ZC3H12B: variants seen among roughly 807,000 people sequenced by gnomAD.
ZC3H12B encodes probable ribonuclease ZC3H12B.
Under a neutral mutation model 43.9 loss-of-function variants are expected in ZC3H12B, and 7 were observed. That is an observed-to-expected ratio of 0.16 (90% CI 0.09 to 0.30). ZC3H12B has a LOEUF of 0.30. Among genes scored for constraint, ZC3H12B ranks in the 10% least tolerant of loss-of-function variants. The pLI is 1.00. For synonymous variants in ZC3H12B, 222 were observed against 241.7 expected (o/e 0.92, Z 0.76); for missense variants, 475 against 670.2 (o/e 0.71, Z 3.22).
At chrX:65,182,053 C>G in the ZC3H12B span, among the ~76,000 whole-genome samples, 1 of 111,839 alleles carries the variant, frequency 8.9e-6, no homozygotes, top group Non-Finnish European at 1.9e-5. Flanking sequence ...ACATGTAAAC[C>G]ATGGAATACT....
At chrX:65,373,842 A>G (rs1457487205) in intron 2 of ZC3H12B, among the ~76,000 whole-genome samples, 1 of 86,496 alleles carries the variant, frequency 1.2e-5, no homozygotes, top group Non-Finnish European at 2.2e-5. Flanking sequence ...ATGCATACAT[A>G]TATAACAAAC....
chrX:65,478,503 G>A (rs1454175297), intron 3 of ZC3H12B, among the ~76,000 whole-genome samples: 1 of 112,497 alleles, frequency 8.9e-6, no homozygotes, highest in African/African-American at 3.2e-5. Flanking sequence ...GTTTGTTTTT[G>A]TAATTGTTGT....
At chrX:65,222,450 A>G in the ZC3H12B span, among the ~76,000 whole-genome samples, 1 of 110,306 alleles carries the variant, frequency 9.1e-6, no homozygotes, top group African/African-American at 3.3e-5. Flanking sequence ...AATTCTAAAG[A>G]CTTATCCAAA....
chrX:65,101,592 A>G, the ZC3H12B span, among the ~76,000 whole-genome samples: 3 of 112,352 alleles, frequency 2.7e-5, no homozygotes, highest in African/African-American at 6.5e-5. Flanking sequence ...ACAAACTACC[A>G]TCAGAGAATA....
chrX:65,256,770 A>G, the ZC3H12B span, among the ~76,000 whole-genome samples: 1 of 112,150 alleles, frequency 8.9e-6, no homozygotes, highest in Non-Finnish European at 1.9e-5. Flanking sequence ...TGAAAGAATT[A>G]GTAAGATAGA....
At chrX:65,074,140 T>C in the ZC3H12B span, among the ~76,000 whole-genome samples, 3 of 112,107 alleles carry the variant, frequency 2.7e-5, no homozygotes, top group Non-Finnish European at 5.6e-5. Context: ...TTCAAAGGAC[T>C]CACTTTAGCA....
At chrX:65,209,747 C>A in the ZC3H12B span, among the ~76,000 whole-genome samples, 661 of 106,613 alleles carry the variant, frequency 6.2e-3, 38 homozygotes, top group Admixed American at 0.063. Flanking sequence ...AGAACAGAGC[C>A]CTCAGAAATA....
At chrX:65,068,115 T>G in the ZC3H12B span, among the ~76,000 whole-genome samples, 1 of 108,187 alleles carries the variant, frequency 9.2e-6, no homozygotes. Context: ...CTTTTTTTTT[T>G]TTTTTTTTTT....
At chrX:65,093,895 G>A in the ZC3H12B span, among the ~76,000 whole-genome samples, 31 of 111,013 alleles carry the variant, frequency 2.8e-4, no homozygotes, top group East Asian at 7.9e-3. Context: ...CAGGTGATTT[G>A]GGAGGGGCCT....
At chrX:65,482,901 T>A (rs983832984) in intron 3 of ZC3H12B, among the ~76,000 whole-genome samples, 1 of 111,927 alleles carries the variant, frequency 8.9e-6, no homozygotes, top group Non-Finnish European at 1.9e-5. Flanking sequence ...GAATGAGTAA[T>A]GAAAATCAAC....
chrX:65,323,743 G>T, the ZC3H12B span, among the ~76,000 whole-genome samples: 1 of 111,727 alleles, frequency 9.0e-6, no homozygotes, highest in African/African-American at 3.3e-5. Flanking sequence ...GGTATTTCTA[G>T]TTCTAGATCC....
At chrX:65,049,405 C>T in the ZC3H12B span, among the ~76,000 whole-genome samples, 5 of 111,024 alleles carry the variant, frequency 4.5e-5, no homozygotes, top group South Asian at 3.7e-4. Context: ...CCAGTTTTTC[C>T]GGCACCATCT....
chrX:65,076,445 C>T, the ZC3H12B span, among the ~76,000 whole-genome samples: 1 of 111,453 alleles, frequency 9.0e-6, no homozygotes, highest in Non-Finnish European at 1.9e-5. Flanking sequence ...GGCTTGTTAC[C>T]CCTGTTTCTT....
At chrX:65,064,668 C>T in the ZC3H12B span, among the ~76,000 whole-genome samples, 1 of 111,540 alleles carries the variant, frequency 9.0e-6, no homozygotes, top group African/African-American at 3.3e-5. Context: ...CCACTTGGTC[C>T]AGACCTCAGT....
At chrX:65,209,949 T>C in the ZC3H12B span, among the ~76,000 whole-genome samples, 1 of 89,249 alleles carries the variant, frequency 1.1e-5, no homozygotes, top group Admixed American at 1.2e-4. Flanking sequence ...ACATTAGACC[T>C]AAAACCATAA....
intron 1 of ZC3H12B, 98 bp downstream of exon 3, chrX:65,366,864 C>G (rs1416304206): frequency 1.8e-5 from 2 of 112,222 alleles, no homozygotes; most frequent in East Asian, 2.8e-4. Flanking sequence ...TTATGTTTAC[C>G]TATGTGATGA....
chrX:65,499,025 A>G, exon 3 of ZC3H12B: 1 of 1,209,900 alleles, frequency 8.3e-7, no homozygotes, highest in Non-Finnish European at 1.1e-6. Flanking sequence ...AAAACTGGAG[A>G]AGGAAAAGAT....
At chrX:65,423,981 G>A (rs1461177410) in intron 3 of ZC3H12B, among the ~76,000 whole-genome samples, 3 of 111,945 alleles carry the variant, frequency 2.7e-5, no homozygotes, top group Non-Finnish European at 3.8e-5. Context: ...TTAGTATGAA[G>A]GGTGTTGAAT....
At chrX:65,449,016 A>AG (rs2067430021) in intron 3 of ZC3H12B, among the ~76,000 whole-genome samples, 1 of 66,235 alleles carries the variant, frequency 1.5e-5, no homozygotes, top group African/African-American at 4.3e-5. Context: ...GAAAGAAAGG[A>AG]AGGAAAGAAG....
Sources: allele counts gnomAD v4.1 joint callset (sites outside exome capture counted in the v4.1 genomes callset), GRCh38; gene constraint gnomAD v4.1.1; transcripts MANE v1.5; gene names NCBI Gene and HGNC (gene_info 2026-07-23, HGNC 2026-07-21).